ADCK1: variants seen among roughly 807,000 people sequenced by gnomAD.
ADCK1 encodes the protein aarF domain containing kinase 1, also known as aarF domain-containing protein kinase 1.
In ADCK1, 41 loss-of-function variants were observed where a neutral mutation model predicts 52.3. That is an observed-to-expected ratio of 0.78 (90% CI 0.61 to 1.02). The LOEUF (loss-of-function observed/expected upper bound fraction) is 1.02, where lower values mean the gene tolerates loss of function less well. ADCK1 is among the 50% of genes least tolerant of loss of function. The pLI is 0.00. For missense variants in ADCK1, 658 were observed against 679.5 expected (o/e 0.97, Z 0.35); for synonymous variants, 250 against 274.6 (o/e 0.91, Z 0.89).
intron 4 of ADCK1, among the ~76,000 whole-genome samples, chr14:77,865,900 T>C (rs1200331079): frequency 6.6e-6 from 1 of 152,204 alleles, no homozygotes. Context: ...AATAATTCTT[T>C]CTGTGTATTG....
intron 3 of ADCK1, among the ~76,000 whole-genome samples, chr14:77,839,250 T>C (rs1458320597): frequency 6.6e-6 from 1 of 152,120 alleles, no homozygotes; most frequent in Non-Finnish European, 1.5e-5. Context: ...GGGAGACTGT[T>C]AGAGGAAGAG....
At chr14:77,813,566 C>G (rs907525318) in intron 1 of ADCK1, among the ~76,000 whole-genome samples, 1 of 152,144 alleles carries the variant, frequency 6.6e-6, no homozygotes, top group African/African-American at 2.4e-5. Context: ...GCCTTGGCGT[C>G]CCAAAGTGCT....
intron 1 of ADCK1, among the ~76,000 whole-genome samples, chr14:77,810,423 C>A (rs557819825): frequency 5.1e-4 from 78 of 151,868 alleles, no homozygotes; most frequent in African/African-American, 1.9e-3. Flanking sequence ...CCAGTTAATT[C>A]TTACAATGAG....
chr14:77,898,651 G>T (rs1471666858), intron 5 of ADCK1, among the ~76,000 whole-genome samples: 9 of 152,146 alleles, frequency 5.9e-5, no homozygotes, highest in East Asian at 1.9e-4. Context: ...GCGACGGTTG[G>T]GGGGTGGGGG....
intron 3 of ADCK1, among the ~76,000 whole-genome samples, chr14:77,853,667 G>A (rs867560427): frequency 2.0e-5 from 3 of 152,168 alleles, no homozygotes; most frequent in Admixed American, 6.5e-5. Flanking sequence ...GGTGGAAATA[G>A]GTCCTGTGTG....
intron 5 of ADCK1, among the ~76,000 whole-genome samples, chr14:77,895,555 TAAC>T (rs2083390887): frequency 1.3e-5 from 2 of 152,346 alleles, no homozygotes; most frequent in Admixed American, 6.5e-5. Flanking sequence ...GTCAAATTGA[TAAC>T]AACACCTGTT....
intron 2 of ADCK1, among the ~76,000 whole-genome samples, chr14:77,819,370 G>T (rs986026237): frequency 2.0e-5 from 3 of 152,194 alleles, no homozygotes; most frequent in African/African-American, 7.2e-5. Context: ...CATAGAATGG[G>T]ACTGCACTGG....
chr14:77,906,237 C>G (rs191704314), intron 6 of ADCK1, among the ~76,000 whole-genome samples: 47 of 152,292 alleles, frequency 3.1e-4, no homozygotes, highest in Non-Finnish European at 5.1e-4. Context: ...TTTGGGTGGT[C>G]AGGGTAAAGG....
intron 8 of ADCK1, 57 bp downstream of exon 8, chr14:77,924,663 C>A: frequency 6.3e-7 from 1 of 1,595,604 alleles, no homozygotes; most frequent in South Asian, 1.1e-5. Flanking sequence ...GTCTGCTGAC[C>A]ACTCTAATTA....
At chr14:77,845,422 T>C (rs933617656) in intron 3 of ADCK1, among the ~76,000 whole-genome samples, 2 of 152,190 alleles carry the variant, frequency 1.3e-5, no homozygotes, top group Non-Finnish European at 2.9e-5. Context: ...ATGTTCCTTT[T>C]TTTTTCTTCC....
chr14:77,867,074 C>G (rs968074581), intron 4 of ADCK1, among the ~76,000 whole-genome samples: 1 of 152,248 alleles, frequency 6.6e-6, no homozygotes, highest in Non-Finnish European at 1.5e-5. Context: ...GGGGTTCCTG[C>G]CCCCTGGAGC....
At chr14:77,902,308 A>G (rs1430520089) in intron 6 of ADCK1, 1 of 152,214 alleles carries the variant, frequency 6.6e-6, no homozygotes, top group Non-Finnish European at 1.5e-5. Flanking sequence ...AGGGTTGGGT[A>G]CGTCTCCATA....
chr14:77,889,886 TAA>T lies in ADCK1; in HGVS notation c.582+2654_582+2655del, dbSNP rs10683624. Reference sequence around the variant, plus strand: ...GATCACTAGAGAAGGTATATAGAGTTAAAAAAAAAAAAAAAAAACAGAAGAAG... The same window carrying T: ...GATCACTAGAGAAGGTATATAGAGTTAAAAAAAAAAAAAAAACAGAAGAAG... On this transcript the variant is annotated intron_variant, in intron 5 of 10. Coordinates refer to ENST00000238561, the MANE Select transcript of ADCK1 (RefSeq NM_020421.4). 1.1e-3 allele frequency among the ~76,000 whole-genome samples: 130 copies of T among 123,192 alleles called. 1 individual carries two copies. The highest frequency in any genetic ancestry group is 3.5e-3 in the African/African-American group (115 of 33,150). The allele number at this position is 123,192 out of a possible 152,430, so 80.8% of individuals were successfully genotyped here. A position where few individuals can be genotyped will look rare whatever the true frequency, so the allele number is the denominator to read the frequency against.
At chr14:77,924,321 C>A in intron 7 of ADCK1, 136 bp from the exon 8 acceptor site, 1 of 1,101,744 alleles carries the variant, frequency 9.1e-7, no homozygotes. Flanking sequence ...CAAACAATCA[C>A]TCCCACCACA....
intron 3 of ADCK1, among the ~76,000 whole-genome samples, chr14:77,852,370 ACCTTT>A (rs2082302018): frequency 1.3e-5 from 2 of 151,552 alleles, no homozygotes; most frequent in Non-Finnish European, 2.9e-5. Context: ...GAACTTTTAT[ACCTTT>A]ATTTTTGAAA....
In ADCK1 at chr14:77,933,274, C is replaced by T. The variant is rs757640625; in HGVS notation, c.1455C>T (p.Ser485=). 29 of 1,614,184 alleles carry T rather than the reference C, an allele frequency of 1.8e-5. No homozygotes were observed. The highest frequency in any genetic ancestry group is 1.1e-4 in the East Asian group (5 of 44,876). ...SFFRRTQISF[S]EAFNLWQINL... ...TCAGAAGGACCCAGATCTCTTTCAG[C>T]GAGGCCTTCAACTTATGGCAGATCA... is the stretch of plus-strand genomic sequence containing the variant. The change falls in exon 11 of 11, where the codon AGC becomes AGT. Residue 485 remains serine (S), a synonymous_variant. Coordinates refer to ENST00000238561, the MANE Select transcript of ADCK1 (RefSeq NM_020421.4).
At position 77,818,955 on chromosome 14, in the gene ADCK1, C is replaced by T; in HGVS notation, c.-11-13C>T. 2 of 1,608,956 alleles carry T rather than the reference C, an allele frequency of 1.2e-6. No individual in the cohort carries two copies. Among genetic ancestry groups the T allele is most frequent in the Non-Finnish European group, 1.7e-6 (2 of 1,177,998 alleles). ...TAACTGCTATTCTTTCTCAACTTTC[C>T]TTTTTTCTGCAGGATCTGGCGACAT... On this transcript the variant is annotated splice_polypyrimidine_tract_variant and intron_variant, in intron 1 of 10. Coordinates refer to ENST00000238561, the MANE Select transcript of ADCK1 (RefSeq NM_020421.4).
intron 2 of ADCK1, among the ~76,000 whole-genome samples, chr14:77,821,891 G>GAAAAAAAA (rs35265585): frequency 1.6e-4 from 17 of 109,602 alleles, no homozygotes; most frequent in African/African-American, 6.0e-4. Flanking sequence ...CTCTGTCTCA[G>GAAAAAAAA]AAAAAAAAAA....
At chr14:77,822,614 T>C in intron 3 of ADCK1, 96 bp downstream of exon 3, 1 of 1,100,778 alleles carries the variant, frequency 9.1e-7, no homozygotes, top group Admixed American at 1.8e-5. Context: ...CCCCGCAAAG[T>C]GCTGGGATTA....
Sources: allele counts gnomAD v4.1 joint callset (sites outside exome capture counted in the v4.1 genomes callset), GRCh38; gene constraint gnomAD v4.1.1; transcripts MANE v1.5; gene names NCBI Gene and HGNC (gene_info 2026-07-23, HGNC 2026-07-21).